The following SELENOV variants were observed in gnomAD, a reference collection of about 807,000 sequenced individuals.
SELENOV encodes the protein selenoprotein V.
SELENOV carries 25 observed loss-of-function variants against 21.6 expected under a neutral mutation model. The observed-to-expected ratio is 1.16, with a 90% CI of 0.84 to 1.62. SELENOV has a LOEUF of 1.62. SELENOV is among the 40% of genes most tolerant of loss of function. SELENOV has a pLI of 0.00. For synonymous variants in SELENOV, 227 were observed against 216.9 expected, an observed-to-expected ratio of 1.05 and a Z score of -0.41; for missense variants, 472 against 459.0, an observed-to-expected ratio of 1.03 and a Z score of -0.26.
At chr19:39,518,184 T>C (rs1381285668) in intron 1 of SELENOV, among the ~76,000 whole-genome samples, 2 of 149,888 alleles carry the variant, frequency 1.3e-5, no homozygotes, top group African/African-American at 4.9e-5. Flanking sequence ...GGCAGGAGAA[T>C]GGCGTGAACC....
At chr19:39,516,926 T>G (rs1333787959) in intron 1 of SELENOV, among the ~76,000 whole-genome samples, 1 of 152,092 alleles carries the variant, frequency 6.6e-6, no homozygotes, top group Admixed American at 6.6e-5. Context: ...CTCGATCTTC[T>G]GACCTCGTGA....
At position 39,515,368 on chromosome 19, in the gene SELENOV, G is replaced by A. The variant is rs1400149245; in HGVS notation, c.156G>A (p.Pro52=). The change falls in exon 1 of 6, where the codon CCG becomes CCA. Residue 52 remains proline (P), a synonymous_variant. Transcript: ENST00000335426. This position sits in a 1 kb window ranked among gnomAD's most constrained non-coding sequence, Gnocchi z 5.1. Reference sequence around the variant, plus strand: ...GGACCCTGACTCCAGTCCTGACTCCGTCTCCAGCCGGGACTTCCCCTCTGG... The same window carrying A: ...GGACCCTGACTCCAGTCCTGACTCCATCTCCAGCCGGGACTTCCCCTCTGG... The A allele has an allele frequency of 6.4e-7, 1 of 1,551,080 alleles. No homozygotes were observed. Among genetic ancestry groups the A allele is most frequent in the East Asian group, 2.4e-5 (1 of 40,878 alleles).
Position 39,515,131 on chromosome 19 carries a change from G to A in SELENOV, c.-82G>A. The A allele has an allele frequency of 1.1e-6, 1 of 870,872 alleles. No individual in the cohort carries two copies. The highest frequency in any genetic ancestry group is 1.6e-5 in the South Asian group (1 of 62,282). The allele number at this position is 870,872 out of a possible 1,614,324, so 53.9% of individuals were successfully genotyped here. A position where few individuals can be genotyped will look rare whatever the true frequency, so the allele number is the denominator to read the frequency against. ...GTGGTCGCGCCGCGTCTCAGAACCC[G>A]GTGCGGGAGACGCTCTCCCCGCCCA... On this transcript the variant is annotated 5_prime_UTR_variant, in exon 1 of 6. Coordinates refer to ENST00000335426, the Ensembl canonical transcript of SELENOV. This position sits in a 1 kb window ranked among gnomAD's most constrained non-coding sequence, Gnocchi z 5.1.
intron 5 of SELENOV, among the ~76,000 whole-genome samples, chr19:39,519,517 T>A (rs1349872420): frequency 6.6e-6 from 1 of 151,734 alleles, no homozygotes; most frequent in Non-Finnish European, 1.5e-5. Flanking sequence ...AATAAATAAA[T>A]TAGCCAGGCA....
rs1457542564 is a variant in SELENOV at position 39,516,050 on chromosome 19, C to T, written c.809+29C>T. On this transcript the variant is annotated intron_variant, in intron 1 of 5. Coordinates refer to ENST00000335426, the Ensembl canonical transcript of SELENOV. The stretch of plus-strand genomic sequence containing the variant: ...AGGACCTCACACATGCCTCTCCCAA[C>T]CCCCGGGGACAGGGCCGGCAGTGGG... 4.5e-6 allele frequency: 7 copies of T among 1,545,320 alleles called. No individual in the cohort carries two copies. The Admixed American group carries it at 1.4e-4, about 30-fold the overall frequency.
chr19:39,518,120 A>T (rs117932891), intron 1 of SELENOV, among the ~76,000 whole-genome samples: 1,695 of 151,592 alleles, frequency 0.011, 19 homozygotes, highest in Non-Finnish European at 0.016. Context: ...AAATATAAAA[A>T]ATTACCCGGG....
At chr19:39,516,067 G>A (rs1271304947) in intron 1 of SELENOV, 46 bp downstream of exon 1, 3 of 1,508,018 alleles carry the variant, frequency 2.0e-6, no homozygotes, top group East Asian at 2.4e-5. Context: ...GGACAGGGCC[G>A]GCAGTGGGGG....
chr19:39,517,640 A>G (rs2079704006), intron 1 of SELENOV, among the ~76,000 whole-genome samples: 1 of 152,028 alleles, frequency 6.6e-6, no homozygotes, highest in Admixed American at 6.6e-5. Flanking sequence ...TGCCAGTGCA[A>G]AGGTCCTGAG....
In SELENOV at chr19:39,518,651, G is replaced by A. The variant is rs1568455691; in HGVS notation, c.834+19G>A. On this transcript the variant is annotated intron_variant, in intron 2 of 5. Coordinates refer to ENST00000335426, the Ensembl canonical transcript of SELENOV. The stretch of plus-strand genomic sequence containing the variant: ...CCTTCGGGTGAGTAGTTTTGGCTTT[G>A]GAGGTAGGGGGAGCCTGAGGCAGGA... 1 of 1,611,346 alleles carries A rather than the reference G, an allele frequency of 6.2e-7. No individual in the cohort carries two copies. Among genetic ancestry groups the A allele is most frequent in the Non-Finnish European group, 8.5e-7 (1 of 1,178,632 alleles).
intron 2 of SELENOV, 24 bp downstream of exon 2, chr19:39,518,656 T>G (rs774314122): frequency 6.2e-7 from 1 of 1,611,616 alleles, no homozygotes; most frequent in South Asian, 1.1e-5. Flanking sequence ...GCTTTGGAGG[T>G]AGGGGGAGCC....
chr19:39,515,599 G>A lies in SELENOV; in HGVS notation c.387G>A (p.Gln129=), dbSNP rs758806265. Reference sequence around the variant, plus strand: ...GGGTCCCAGCCCCAGCCCCAGCCCAGCTCCTGGCAGGGATTCGGGCCGCGC... The same window carrying A: ...GGGTCCCAGCCCCAGCCCCAGCCCAACTCCTGGCAGGGATTCGGGCCGCGC... The change falls in exon 1 of 6, where the codon CAG becomes CAA. Residue 129 remains glutamine, a synonymous_variant. Transcript: ENST00000335426. This position sits in a 1 kb window ranked among gnomAD's most constrained non-coding sequence, Gnocchi z 5.1. 6.5e-7 allele frequency: 1 copy of A among 1,548,654 alleles called. No homozygotes were observed. Among genetic ancestry groups the A allele is most frequent in the African/African-American group, 1.4e-5 (1 of 73,038 alleles).
Position 39,515,119 on chromosome 19 carries a change from G to T in SELENOV, c.-94G>T. The T allele has an allele frequency of 5.0e-6, 4 of 793,260 alleles. No homozygotes were observed. Among genetic ancestry groups the T allele is most frequent in the Non-Finnish European group, 7.9e-6 (4 of 503,904 alleles). 49.1% of individuals were successfully genotyped at this position (793,260 alleles called of 1,614,324 possible). A position where few individuals can be genotyped will look rare whatever the true frequency, so the allele number is the denominator to read the frequency against. On this transcript the variant is annotated 5_prime_UTR_variant, in exon 1 of 6. Coordinates refer to ENST00000335426, the Ensembl canonical transcript of SELENOV. The surrounding 1 kb of genome is among the most constrained non-coding windows in gnomAD (Gnocchi z 5.1). ...ACAGAGCCCCCAGTGGTCGCGCCGC[G>T]TCTCAGAACCCGGTGCGGGAGACGC...
Position 39,515,246 on chromosome 19 carries a change from T to C in SELENOV, c.34T>C (p.Ser12Pro), listed in dbSNP as rs1214071477. 2 of 1,548,988 alleles carry C rather than the reference T, an allele frequency of 1.3e-6. No individual in the cohort carries two copies. The highest frequency in any genetic ancestry group is 2.8e-5 in the African/African-American group (2 of 72,504). ...CCAGGCGCGGACCCCAGCCCCCTCCTCGGCGCGGACTTCAACCTCAGTCCG... is the reference window on the plus strand; with the variant it reads ...CCAGGCGCGGACCCCAGCCCCCTCCCCGGCGCGGACTTCAACCTCAGTCCG... Residue 12 changes from serine (S) to proline (P), a missense_variant, in exon 1 of 6, where the codon TCG becomes CCG. By Grantham distance (74) the Ser-to-Pro change is moderately conservative (BLOSUM62 -1). Coordinates refer to ENST00000335426, the Ensembl canonical transcript of SELENOV. This position sits in a 1 kb window ranked among gnomAD's most constrained non-coding sequence, Gnocchi z 5.1.
intron 1 of SELENOV, among the ~76,000 whole-genome samples, chr19:39,516,893 T>C (rs913836040): frequency 6.6e-5 from 10 of 151,944 alleles, no homozygotes; most frequent in African/African-American, 2.4e-4. Flanking sequence ...GAGACGGGGT[T>C]TCACCATGTT....
intron 1 of SELENOV, among the ~76,000 whole-genome samples, chr19:39,517,655 G>A (rs1299654615): frequency 1.3e-5 from 2 of 152,032 alleles, no homozygotes; most frequent in East Asian, 3.9e-4. Flanking sequence ...CCTGAGGCAG[G>A]GCATACCTGG....
At chr19:39,519,363 G>T (rs1284752601) in intron 5 of SELENOV, among the ~76,000 whole-genome samples, 193 bp downstream of exon 5, 4 of 151,972 alleles carry the variant, frequency 2.6e-5, no homozygotes, top group Non-Finnish European at 4.4e-5. Flanking sequence ...TGTTCAGTGA[G>T]TTTGAAAAAT....
At chr19:39,519,742 G>A (rs1369062208) in intron 5 of SELENOV, among the ~76,000 whole-genome samples, 1 of 151,646 alleles carries the variant, frequency 6.6e-6, no homozygotes, top group Non-Finnish European at 1.5e-5. Context: ...GAGGCGGGCG[G>A]GTCACGAGGT....
chr19:39,518,413 T>C, intron 1 of SELENOV, 195 bp from the exon 2 acceptor site: 1 of 626,378 alleles, frequency 1.6e-6, no homozygotes, highest in Non-Finnish European at 2.9e-6. Context: ...AGAAGGCAGA[T>C]CCTGTGGTGG....
intron 1 of SELENOV, among the ~76,000 whole-genome samples, chr19:39,517,558 T>C (rs73037270): frequency 0.21 from 32,002 of 152,104 alleles, 4,187 homozygotes; most frequent in Middle Eastern, 0.36. Context: ...AGGGGGTATA[T>C]GAGCGAAGCC....
Sources: gnomAD v4.1 joint callset for allele counts (sites outside exome capture counted in the v4.1 genomes callset) on GRCh38, gnomAD v4.1.1 for gene constraint, Gnocchi (gnomAD v3.1) non-coding constraint, MANE v1.5 for transcripts, NCBI Gene and HGNC (gene_info 2026-07-23, HGNC 2026-07-21) for gene names.